Variants in EP300 observed in about 807,000 individuals in gnomAD.
EP300 encodes EP300 lysine acetyltransferase.
In EP300, 31 loss-of-function variants were observed where a neutral mutation model predicts 264.0. That is an observed-to-expected ratio of 0.12 (90% confidence interval 0.09 to 0.16). EP300 has a LOEUF of 0.16. EP300 is among the 10% of genes least tolerant of loss of function. The pLI, the probability that EP300 is intolerant of heterozygous loss-of-function variation, is 1.00. For missense variants in EP300, 2,766 were observed against 3,052.9 expected (o/e 0.91, Z 2.21); for synonymous variants, 1,340 against 1,045.4 (o/e 1.28, Z -5.44).
intron 3 of EP300, 68 bp downstream of exon 3, chr22:41,126,108 T>G (rs1400301413): frequency 6.6e-7 from 1 of 1,523,302 alleles, no homozygotes; most frequent in East Asian, 2.2e-5. Context: ...TGTTAAACTT[T>G]CACCCTTCTG....
At chr22:41,097,951 C>G (rs1264902805) in intron 1 of EP300, among the ~76,000 whole-genome samples, 1 of 151,894 alleles carries the variant, frequency 6.6e-6, no homozygotes, top group Non-Finnish European at 1.5e-5. Context: ...ATCTCTGCCT[C>G]CCAAAGTGCT....
chr22:41,147,397 G>C (rs535594172), intron 11 of EP300, among the ~76,000 whole-genome samples: 49 of 151,972 alleles, frequency 3.2e-4, no homozygotes, highest in Non-Finnish European at 5.4e-4. Flanking sequence ...CTGTGAATGA[G>C]ACAGATTTAT....
At chr22:41,094,462 GA>G (rs1254286138) in intron 1 of EP300, among the ~76,000 whole-genome samples, 1 of 152,200 alleles carries the variant, frequency 6.6e-6, no homozygotes, top group Non-Finnish European at 1.5e-5. Context: ...CAAAAATTGA[GA>G]AGTAGGAATC....
intron 1 of EP300, among the ~76,000 whole-genome samples, 174 bp from the exon 2 acceptor site, chr22:41,117,013 C>T (rs760033687): frequency 2.0e-5 from 3 of 152,112 alleles, no homozygotes; most frequent in Admixed American, 6.5e-5. Flanking sequence ...AAGCCAAGAT[C>T]GCGCACCACT....
At chr22:41,116,407 T>C (rs908838885) in intron 1 of EP300, among the ~76,000 whole-genome samples, 1 of 152,118 alleles carries the variant, frequency 6.6e-6, no homozygotes, top group Non-Finnish European at 1.5e-5. Context: ...GATGTTCCCC[T>C]CTCTGTGTCC....
chr22:41,151,435 T>C (rs1381859844), intron 14 of EP300, among the ~76,000 whole-genome samples: 1 of 152,206 alleles, frequency 6.6e-6, no homozygotes, highest in Non-Finnish European at 1.5e-5. Flanking sequence ...ATATTTATTG[T>C]CTCCTTTTCT....
chr22:41,157,926 G>A (rs1359663520), intron 18 of EP300, among the ~76,000 whole-genome samples: 2 of 152,214 alleles, frequency 1.3e-5, no homozygotes, highest in African/African-American at 2.4e-5. Flanking sequence ...TGGAAAAGTT[G>A]ACTAATTAAA....
At chr22:41,168,254 TGAA>T in intron 23 of EP300, 192 bp from the exon 24 acceptor site, 1 of 607,226 alleles carries the variant, frequency 1.6e-6, no homozygotes, top group Non-Finnish European at 2.9e-6. Flanking sequence ...TAGAATGATA[TGAA>T]GATTAGCATG....
chr22:41,114,176 TTGTTGTTG>T (rs2058809198), intron 1 of EP300, among the ~76,000 whole-genome samples: 1 of 151,794 alleles, frequency 6.6e-6, no homozygotes, highest in Admixed American at 6.6e-5. Context: ...TGGGTATTTG[TTGTTGTTG>T]TTGTTGTTGT....
intron 1 of EP300, among the ~76,000 whole-genome samples, chr22:41,116,513 T>G (rs1304932868): frequency 6.6e-6 from 1 of 152,238 alleles, no homozygotes; most frequent in Admixed American, 6.5e-5. Context: ...CCAGGCTTCA[T>G]CCTTGTCCCT....
At chr22:41,134,180 TTC>T (rs1491300938) in intron 6 of EP300, among the ~76,000 whole-genome samples, 1 of 151,228 alleles carries the variant, frequency 6.6e-6, no homozygotes, top group Non-Finnish European at 1.5e-5. Context: ...TTTTTTTTTT[TTC>T]TGATTTCATT....
At position 41,179,204 on chromosome 22, in the gene EP300, T is replaced by A; in HGVS notation, c.*248T>A. ...CAGCCTTTCTTCCCCTTTGTGTGTG[T>A]GGTTCAAGTGTGCACTGGGAGGAGG... On this transcript the variant is annotated 3_prime_UTR_variant, in exon 31 of 31. Transcript: ENST00000263253. The A allele has an allele frequency of 1.9e-6, 1 of 539,494 alleles. No individual in the cohort carries two copies. The highest frequency in any genetic ancestry group is 3.3e-6 in the Non-Finnish European group (1 of 303,690). 33.4% of individuals were successfully genotyped at this position (539,494 alleles called of 1,614,324 possible). A position where few individuals can be genotyped will look rare whatever the true frequency, so the allele number is the denominator to read the frequency against.
Position 41,149,326 on chromosome 22 carries a change from T to C in EP300, c.2379+151T>C, listed in dbSNP as rs1569107078. 4 of 841,110 alleles carry C rather than the reference T, an allele frequency of 4.8e-6. No individual in the cohort carries two copies. In the Admixed American group the frequency reaches 6.5e-5, roughly 14 times the overall value. The allele number at this position is 841,110 out of a possible 1,614,324, so 52.1% of individuals were successfully genotyped here. On this transcript the variant is annotated intron_variant, in intron 13 of 30. Transcript: ENST00000263253. ...TTTTGGACTTAGGGTATTCTGAACA[T>C]GAAGAGATTATTCTGTGACATAGCA...
chr22:41,165,349 G>A (rs1376962347), intron 22 of EP300, among the ~76,000 whole-genome samples: 1 of 152,148 alleles, frequency 6.6e-6, no homozygotes, highest in Non-Finnish European at 1.5e-5. Flanking sequence ...AAAAGCGACG[G>A]TCTCAGCTTC....
chr22:41,175,076 A>T (rs1471177302), intron 29 of EP300, among the ~76,000 whole-genome samples: 1 of 152,230 alleles, frequency 6.6e-6, no homozygotes, highest in African/African-American at 2.4e-5. Flanking sequence ...GATTATTAAC[A>T]ATTAATAGTT....
chr22:41,142,267 C>T (rs1167538499), intron 10 of EP300, among the ~76,000 whole-genome samples: 2 of 152,152 alleles, frequency 1.3e-5, no homozygotes, highest in East Asian at 3.8e-4. Flanking sequence ...GGCAGTAAAC[C>T]TCATACGATC....
chr22:41,130,663 A>G (rs768296978), intron 5 of EP300, among the ~76,000 whole-genome samples: 13 of 152,212 alleles, frequency 8.5e-5, no homozygotes, highest in Non-Finnish European at 1.8e-4. Context: ...CTTTGAACCT[A>G]TGAAAATTTA....
At chr22:41,112,927 C>T (rs920632016) in intron 1 of EP300, among the ~76,000 whole-genome samples, 1 of 152,132 alleles carries the variant, frequency 6.6e-6, no homozygotes, top group East Asian at 1.9e-4. Flanking sequence ...CTACCCTTCC[C>T]CCCTTTTTTG....
chr22:41,166,814 A>G, intron 23 of EP300, 148 bp downstream of exon 23: 1 of 552,208 alleles, frequency 1.8e-6, no homozygotes. Flanking sequence ...GATCTGTAAT[A>G]TATTTTTTGG....
Sources: allele counts gnomAD v4.1 joint callset (sites outside exome capture counted in the v4.1 genomes callset), GRCh38; gene constraint gnomAD v4.1.1; transcripts MANE v1.5; gene names NCBI Gene and HGNC (gene_info 2026-07-23, HGNC 2026-07-21).